Variants in GPATCH8 observed in about 807,000 individuals in gnomAD.
GPATCH8 encodes G patch domain-containing protein 8.
GPATCH8 carries 18 observed loss-of-function variants against 118.3 expected under a neutral mutation model. The observed-to-expected ratio is 0.15, with a 90% confidence interval of 0.11 to 0.23. The LOEUF (loss-of-function observed/expected upper bound fraction) is 0.23, where lower values mean the gene tolerates loss of function less well. Ranked by LOEUF, GPATCH8 falls within the 10% of genes least tolerant of loss-of-function variation. The pLI is 1.00. For synonymous variants in GPATCH8, 659 were observed against 684.7 expected (o/e 0.96, Z 0.59); for missense variants, 1,631 against 1,873.8 (o/e 0.87, Z 2.39).
rs772115971 is a variant in GPATCH8 at position 44,453,496 on chromosome 17, TAG to T, written c.193+10974_193+10975del. ...TTCTAGTTGTAGGTAGGTAGGTAGGTAGGGGTGTGTGTGTGTGTGTGTGTGTG... is the reference window on the plus strand; with the variant it reads ...TTCTAGTTGTAGGTAGGTAGGTAGGTGGGTGTGTGTGTGTGTGTGTGTGTG... On this transcript the variant is annotated intron_variant, in intron 3 of 7. Coordinates refer to ENST00000591680, the MANE Select transcript of GPATCH8 (RefSeq NM_001002909.4). Among the ~76,000 whole-genome samples, 752 of 144,036 alleles carry T rather than the reference TAG, an allele frequency of 5.2e-3. 13 individuals are homozygous for T. Among genetic ancestry groups the T allele is most frequent in the African/African-American group, 0.014 (551 of 38,634 alleles). The allele number at this position is 144,036 out of a possible 152,430, so 94.5% of individuals were successfully genotyped here.
Position 44,396,585 on chromosome 17 carries a change from C to A in GPATCH8, c.*983G>T, listed in dbSNP as rs1287538291. The A allele has an allele frequency of 2.3e-6, 1 of 435,826 alleles. No homozygotes were observed. Among genetic ancestry groups the A allele is most frequent in the South Asian group, 1.7e-5 (1 of 60,142 alleles). The allele number at this position is 435,826 out of a possible 1,614,324, so 27.0% of individuals were successfully genotyped here. ...AAACAAATATTTTATTTTTTGTTTT[C>A]ATTTTATAACCTTTAGAGTTTCTTA... On this transcript the variant is annotated 3_prime_UTR_variant, in exon 8 of 8. Coordinates refer to ENST00000591680, the MANE Select transcript of GPATCH8 (RefSeq NM_001002909.4).
chr17:44,436,243 C>T (rs560619532), intron 4 of GPATCH8, among the ~76,000 whole-genome samples: 3 of 151,992 alleles, frequency 2.0e-5, no homozygotes, highest in Non-Finnish European at 2.9e-5. Flanking sequence ...GTATAACCCT[C>T]GGCAAATCAC....
In GPATCH8 at chr17:44,398,473, A is replaced by C; in HGVS notation, c.3604T>G (p.Leu1202Val). 6.2e-7 allele frequency: 1 copy of C among 1,610,848 alleles called. No homozygotes were observed. Among genetic ancestry groups the C allele is most frequent in the Non-Finnish European group, 8.5e-7 (1 of 1,178,250 alleles). The stretch of plus-strand genomic sequence containing the variant: ...GACTCTTCTGGGGGTGGGTCTAATA[A>C]GGGGCCAGTTGTTTCCTCTGAAGGG... ...QFPSEETTGPLLDPPPEESKS... is the reference protein window; with the variant it reads ...QFPSEETTGPVLDPPPEESKS... Residue 1202 changes from leucine to valine, a missense_variant, in exon 8 of 8, where the codon TTA becomes GTA. By Grantham distance (32) the Leu-to-Val change is conservative. Around this residue, in one of 8 missense-constraint regions of GPATCH8, gnomAD observed 922 missense variants for 879.7 expected, o/e 1.05. Coordinates refer to ENST00000591680, the MANE Select transcript of GPATCH8 (RefSeq NM_001002909.4).
intron 2 of GPATCH8, chr17:44,464,950 GAAA>G: frequency 1.2e-5 from 2 of 170,230 alleles, no homozygotes; most frequent in South Asian, 1.3e-4. Context: ...TTTTTTTAAA[GAAA>G]ATCTACACTG....
chr17:44,462,783 C>A (rs1244025079), intron 3 of GPATCH8, among the ~76,000 whole-genome samples: 1 of 151,918 alleles, frequency 6.6e-6, no homozygotes. Flanking sequence ...GAGATCGAGA[C>A]CATCCTGGCT....
chr17:44,502,449 C>T (rs1352862737), intron 1 of GPATCH8, among the ~76,000 whole-genome samples: 1 of 151,472 alleles, frequency 6.6e-6, no homozygotes, highest in African/African-American at 2.4e-5. Flanking sequence ...GAGATTTCCG[C>T]GGTAACAATT....
intron 1 of GPATCH8, among the ~76,000 whole-genome samples, chr17:44,499,717 C>G (rs1044040926): frequency 6.6e-6 from 1 of 152,100 alleles, no homozygotes; most frequent in Non-Finnish European, 1.5e-5. Context: ...TTAAGTTATA[C>G]ATTTTCCATT....
At chr17:44,479,106 A>T (rs1598604019) in intron 1 of GPATCH8, among the ~76,000 whole-genome samples, 1 of 152,224 alleles carries the variant, frequency 6.6e-6, no homozygotes, top group Admixed American at 6.5e-5. Context: ...TTAAAGCACA[A>T]ACACAGATTA....
intron 1 of GPATCH8, among the ~76,000 whole-genome samples, chr17:44,477,940 G>GCTGGGATTAC (rs1197025567): frequency 1.3e-5 from 2 of 151,598 alleles, no homozygotes; most frequent in Non-Finnish European, 2.9e-5. Context: ...CTCCGGAGTA[G>GCTGGGATTAC]CTGGGATTAC....
intron 6 of GPATCH8, among the ~76,000 whole-genome samples, chr17:44,419,639 C>T (rs1465325760): frequency 4.6e-5 from 7 of 151,774 alleles, no homozygotes; most frequent in East Asian, 3.9e-4. Context: ...ACTACATGTG[C>T]GTGTCACCAC....
At chr17:44,499,583 A>G (rs189954605) in intron 1 of GPATCH8, among the ~76,000 whole-genome samples, 75 of 152,358 alleles carry the variant, frequency 4.9e-4, no homozygotes, top group African/African-American at 1.7e-3. Context: ...CTGCATCACC[A>G]ATAATAGCTG....
intron 7 of GPATCH8, 84 bp downstream of exon 7, chr17:44,405,837 C>T: frequency 9.4e-7 from 1 of 1,066,102 alleles, no homozygotes. Flanking sequence ...TAATTTAAAT[C>T]TTAAATTATA....
intron 1 of GPATCH8, among the ~76,000 whole-genome samples, chr17:44,483,500 C>G (rs1012708442): frequency 6.6e-6 from 1 of 151,522 alleles, no homozygotes; most frequent in East Asian, 2.0e-4. Flanking sequence ...CTGCCCACCT[C>G]GGCCTCCCAA....
intron 6 of GPATCH8, among the ~76,000 whole-genome samples, chr17:44,406,628 T>C (rs2143710349): frequency 6.6e-6 from 1 of 152,158 alleles, no homozygotes; most frequent in South Asian, 2.1e-4. Flanking sequence ...AGACAGGTCT[T>C]CCAGCGCTAG....
In GPATCH8 at chr17:44,398,965, A is replaced by C; in HGVS notation, c.3112T>G (p.Tyr1038Asp). The C allele has an allele frequency of 6.2e-7, 1 of 1,613,970 alleles. No homozygotes were observed. The highest frequency in any genetic ancestry group is 1.3e-5 in the African/African-American group (1 of 74,950). The change falls in exon 8 of 8, where the codon TAT becomes GAT. Residue 1038 changes from tyrosine to aspartate, a missense_variant. By Grantham distance (160) the Tyr-to-Asp change is radical. Coordinates refer to ENST00000591680, the MANE Select transcript of GPATCH8 (RefSeq NM_001002909.4). ...CCTTCTCCCCGGCCTGATCGGAAAT[A>C]GTGGGGGGACTGGGAGCGGTAGATC... ...SKIYRSQSPH[Y>D]FRSGRGEGPG...
Position 44,436,511 on chromosome 17 carries a change from A to G in GPATCH8, c.228T>C (p.Tyr76=), listed in dbSNP as rs760550106. Residue 76 remains tyrosine (Y), a synonymous_variant, in exon 4 of 8, where the codon TAT becomes TAC. Coordinates refer to ENST00000591680, the MANE Select transcript of GPATCH8 (RefSeq NM_001002909.4). ...RTDPIPIVVK[Y]DVMGMGRMEM... is the part of the protein sequence containing the mutation. ...CCATGCGACCCATGCCCATGACATC[A>G]TACTTGACAACGATTGGAATGGGAT... 2 of 1,511,374 alleles carry G rather than the reference A, an allele frequency of 1.3e-6. No individual in the cohort carries two copies. Among genetic ancestry groups the G allele is most frequent in the Non-Finnish European group, 1.8e-6 (2 of 1,086,098 alleles). 93.6% of individuals were successfully genotyped at this position (1,511,374 alleles called of 1,614,324 possible). A position where few individuals can be genotyped will look rare whatever the true frequency, so the allele number is the denominator to read the frequency against.
intron 1 of GPATCH8, among the ~76,000 whole-genome samples, chr17:44,495,523 A>G (rs1167450532): frequency 6.6e-6 from 1 of 152,228 alleles, no homozygotes; most frequent in African/African-American, 2.4e-5. Flanking sequence ...ACTAAAATGA[A>G]AACTCCTTGA....
intron 1 of GPATCH8, among the ~76,000 whole-genome samples, chr17:44,479,541 T>G (rs888343822): frequency 1.3e-5 from 2 of 152,008 alleles, no homozygotes; most frequent in Non-Finnish European, 2.9e-5. Flanking sequence ...GAACCCAAAA[T>G]GCACTGCAGA....
At chr17:44,471,739 T>G (rs1162020729) in intron 2 of GPATCH8, among the ~76,000 whole-genome samples, 2 of 152,120 alleles carry the variant, frequency 1.3e-5, no homozygotes, top group Non-Finnish European at 1.5e-5. Flanking sequence ...TATTTACTTA[T>G]TATTTAGTGG....
Sources: gnomAD v4.1 joint callset for allele counts (sites outside exome capture counted in the v4.1 genomes callset) on GRCh38, gnomAD v4.1.1 for gene constraint, gnomAD v4.1.1 regional missense constraint, MANE v1.5 for transcripts, NCBI Gene and HGNC (gene_info 2026-07-23, HGNC 2026-07-21) for gene names.